ZFAT: variants seen among roughly 807,000 people sequenced by gnomAD.
ZFAT encodes zinc finger protein ZFAT.
ZFAT carries 64 observed loss-of-function variants against 117.7 expected under a neutral mutation model. The observed-to-expected ratio is 0.54, with a 90% confidence interval of 0.44 to 0.67. The LOEUF is 0.67. Ranked by LOEUF, ZFAT falls within the 30% of genes least tolerant of loss-of-function variation. ZFAT has a pLI of 0.00. For missense variants in ZFAT, 1,433 were observed against 1,584.5 expected (o/e 0.90, Z 1.62); for synonymous variants, 679 against 615.0 (o/e 1.10, Z -1.54).
upstream of ZFAT, among the ~76,000 whole-genome samples, chr8:134,716,082 A>AT (rs1814207871): frequency 6.6e-6 from 1 of 151,762 alleles, no homozygotes; most frequent in South Asian, 2.1e-4. Context: ...AGCTGTGATC[A>AT]TGCCACTGCA....
chr8:134,534,579 GGA>G (rs1821677973), intron 11 of ZFAT, among the ~76,000 whole-genome samples: 1 of 151,172 alleles, frequency 6.6e-6, no homozygotes, highest in Non-Finnish European at 1.5e-5. Flanking sequence ...GGAGGAAGAG[GGA>G]GAGAGAGAAG....
At chr8:134,497,438 G>A (rs563551466) in intron 15 of ZFAT, among the ~76,000 whole-genome samples, 466 of 151,030 alleles carry the variant, frequency 3.1e-3, no homozygotes, top group African/African-American at 0.011. Context: ...GGTAGGGTTG[G>A]GGTGGAGCCG....
At chr8:134,723,532 G>C in the ZFAT span, 1 of 152,338 alleles carries the variant, frequency 6.6e-6, no homozygotes, top group Non-Finnish European at 1.5e-5. Context: ...CCTTCAGCAA[G>C]ACGGACCACC....
In ZFAT at chr8:134,497,398, CTG is replaced by C. The variant is rs1479038816; in HGVS notation, c.3492+12219_3492+12220del. 4.2e-4 allele frequency among the ~76,000 whole-genome samples: 64 copies of C among 152,010 alleles called. 2 individuals carry two copies. The highest frequency in any genetic ancestry group is 1.2e-3 in the African/African-American group (50 of 41,416). The stretch of plus-strand genomic sequence containing the variant: ...TAAAATTCTAATGTGCAGGATGCCC[CTG>C]CTGCTGGTTACACACAGAGCCTGAT... On this transcript the variant is annotated intron_variant, in intron 15 of 15. Transcript: ENST00000377838.
At chr8:134,509,387 G>C (rs1284823286) in intron 15 of ZFAT, among the ~76,000 whole-genome samples, 1 of 151,940 alleles carries the variant, frequency 6.6e-6, no homozygotes, top group Non-Finnish European at 1.5e-5. Context: ...AGAGTTTCCA[G>C]AATTTTTTTT....
chr8:134,563,321 C>T (rs1443868377), intron 11 of ZFAT, among the ~76,000 whole-genome samples: 2 of 152,194 alleles, frequency 1.3e-5, no homozygotes, highest in African/African-American at 2.4e-5. Context: ...CTGCCCCCAA[C>T]AAGTAACTGA....
chr8:134,581,407 T>C (rs1825701513), intron 10 of ZFAT, among the ~76,000 whole-genome samples: 1 of 152,194 alleles, frequency 6.6e-6, no homozygotes, highest in South Asian at 2.1e-4. Flanking sequence ...ACTTTACCCC[T>C]TTCTTCCTAG....
the ZFAT span, among the ~76,000 whole-genome samples, chr8:134,819,582 T>C: frequency 7.2e-6 from 1 of 137,968 alleles, no homozygotes; most frequent in African/African-American, 2.7e-5. Context: ...CTCCCGCTCC[T>C]CCAATATTCT....
the ZFAT span, among the ~76,000 whole-genome samples, chr8:134,759,970 CA>C: frequency 0.013 from 684 of 53,152 alleles, 1 homozygote; most frequent in Admixed American, 0.024. Context: ...GACTCCGTCT[CA>C]AAAAAAAAAA....
the ZFAT span, among the ~76,000 whole-genome samples, chr8:134,722,303 C>T: frequency 3.5e-3 from 538 of 152,292 alleles, 3 homozygotes; most frequent in Middle Eastern, 0.02. Context: ...ATGCCAGGCA[C>T]AGGGGAATTT....
At chr8:134,771,142 T>C in the ZFAT span, among the ~76,000 whole-genome samples, 1 of 152,168 alleles carries the variant, frequency 6.6e-6, no homozygotes, top group African/African-American at 2.4e-5. Flanking sequence ...CTTTTGAAAA[T>C]CTCTAATAAA....
intron 2 of ZFAT, among the ~76,000 whole-genome samples, chr8:134,644,241 G>T (rs1053975929): frequency 2.6e-5 from 4 of 152,096 alleles, no homozygotes; most frequent in African/African-American, 9.7e-5. Flanking sequence ...CCAACAAACA[G>T]TTAATGACTA....
intron 1 of ZFAT, among the ~76,000 whole-genome samples, chr8:134,662,792 C>G (rs1297843651): frequency 7.2e-5 from 11 of 152,244 alleles, no homozygotes; most frequent in Non-Finnish European, 1.5e-4. Flanking sequence ...ACTGTGCAGA[C>G]AGCATGTAAA....
intron 11 of ZFAT, among the ~76,000 whole-genome samples, chr8:134,534,847 T>C (rs1175452104): frequency 2.0e-5 from 3 of 151,788 alleles, no homozygotes; most frequent in East Asian, 3.9e-4. Context: ...CCTCACCCCC[T>C]GCCTAAGTCA....
intron 10 of ZFAT, among the ~76,000 whole-genome samples, chr8:134,568,552 G>A (rs559725806): frequency 1.3e-5 from 2 of 152,238 alleles, no homozygotes; most frequent in East Asian, 3.9e-4. Context: ...TCAAACACTT[G>A]GGTCAAAGAG....
At chr8:134,804,726 G>C in the ZFAT span, 1 of 360,106 alleles carries the variant, frequency 2.8e-6, no homozygotes. Flanking sequence ...TATTAGGAGA[G>C]CACCCTACAT....
rs1162408610 is a variant in ZFAT at position 134,600,504 on chromosome 8, C to T, written c.2407G>A (p.Asp803Asn). The T allele has an allele frequency of 4.6e-5, 75 of 1,614,054 alleles. No individual in the cohort carries two copies. Among genetic ancestry groups the T allele is most frequent in the Non-Finnish European group, 5.8e-5 (69 of 1,180,038 alleles). ...TCTGGAGTTGAGTAGTCACAGCCAT[C>T]GGTGGGACACTTCAGCAAGATGTTA... ...HSNILLKCPTDGCDYSTPDKY... is the reference protein window; with the variant it reads ...HSNILLKCPTNGCDYSTPDKY... Residue 803 changes from aspartate to asparagine, a missense_variant, in exon 7 of 16, where the codon GAT becomes AAT. By Grantham distance (23) the Asp-to-Asn change is conservative. Around this residue, in one of 5 missense-constraint regions of ZFAT, gnomAD observed 49 missense variants for 81.5 expected, o/e 0.60. Coordinates refer to ENST00000377838, the MANE Select transcript of ZFAT (RefSeq NM_020863.4).
the ZFAT span, among the ~76,000 whole-genome samples, chr8:134,775,535 T>C: frequency 2.6e-5 from 4 of 152,190 alleles, no homozygotes; most frequent in African/African-American, 7.2e-5. Context: ...AGCCCTGAAC[T>C]TTCGACTTTT....
intron 2 of ZFAT, among the ~76,000 whole-genome samples, chr8:134,649,986 T>G (rs557935765): frequency 2.7e-4 from 41 of 152,312 alleles, no homozygotes; most frequent in African/African-American, 9.6e-4. Context: ...TCCCCTTGTT[T>G]GCACTCACTC....
Sources: gnomAD v4.1 joint callset for allele counts (sites outside exome capture counted in the v4.1 genomes callset) on GRCh38, gnomAD v4.1.1 for gene constraint, gnomAD v4.1.1 regional missense constraint, MANE v1.5 for transcripts, NCBI Gene and HGNC (gene_info 2026-07-23, HGNC 2026-07-21) for gene names.